DIAPH3: variants seen among roughly 807,000 people sequenced by gnomAD.
The protein encoded by DIAPH3 is diaphanous related formin 3.
A neutral mutation model predicts 144.3 loss-of-function variants in DIAPH3; 117 were observed. The observed-to-expected ratio is 0.81, with a 90% CI of 0.70 to 0.95. DIAPH3 has a LOEUF of 0.95. Among genes scored for constraint, DIAPH3 ranks in the 40% least tolerant of loss-of-function variants. The pLI, the probability that DIAPH3 is intolerant of heterozygous loss-of-function variation, is 0.00. For missense variants in DIAPH3, 1,421 were observed against 1,412.7 expected, an observed-to-expected ratio of 1.01 and a Z score of -0.09; for synonymous variants, 519 against 488.9, an observed-to-expected ratio of 1.06 and a Z score of -0.81.
intron 4 of DIAPH3, among the ~76,000 whole-genome samples, chr13:60,048,182 C>T (rs1215803171): frequency 6.6e-6 from 1 of 152,188 alleles, no homozygotes; most frequent in Non-Finnish European, 1.5e-5. Context: ...AACCTCGCCT[C>T]TCCAGGCTAC....
chr13:59,704,906 C>T (rs1044677513), intron 27 of DIAPH3, among the ~76,000 whole-genome samples: 1 of 152,156 alleles, frequency 6.6e-6, no homozygotes, highest in African/African-American at 2.4e-5. Flanking sequence ...CAGAATGTAA[C>T]TTCCAGGAGG....
intron 27 of DIAPH3, among the ~76,000 whole-genome samples, chr13:59,684,097 C>G (rs2033089214): frequency 6.6e-6 from 1 of 150,956 alleles, no homozygotes; most frequent in South Asian, 2.1e-4. Context: ...ATCTGTGAGA[C>G]TCTGACAACG....
chr13:59,747,898 G>C (rs2036785320), intron 27 of DIAPH3, among the ~76,000 whole-genome samples: 1 of 152,118 alleles, frequency 6.6e-6, no homozygotes, highest in Non-Finnish European at 1.5e-5. Flanking sequence ...CAATCAAGTG[G>C]ACTGATTCTA....
chr13:60,042,850 T>C, intron 4 of DIAPH3, 30 bp from the exon 5 acceptor site: 3 of 1,609,990 alleles, frequency 1.9e-6, no homozygotes, highest in Non-Finnish European at 2.5e-6. Context: ...ATGTTTTGAT[T>C]AATACTGCAT....
intron 24 of DIAPH3, among the ~76,000 whole-genome samples, chr13:59,811,247 T>C (rs1179127154): frequency 6.6e-6 from 1 of 152,146 alleles, no homozygotes; most frequent in African/African-American, 2.4e-5. Flanking sequence ...AACTGTTTTC[T>C]CATATACATT....
At chr13:60,153,847 CAAG>C (rs1415779042) in intron 1 of DIAPH3, among the ~76,000 whole-genome samples, 3 of 152,018 alleles carry the variant, frequency 2.0e-5, no homozygotes, top group Non-Finnish European at 4.4e-5. Context: ...TGGAGTATCA[CAAG>C]AATTTTTTTT....
intron 1 of DIAPH3, among the ~76,000 whole-genome samples, chr13:60,160,628 G>A (rs1952248541): frequency 6.6e-6 from 1 of 152,210 alleles, no homozygotes; most frequent in African/African-American, 2.4e-5. Flanking sequence ...CAGGTTCCAA[G>A]TTTAATTCCT....
chr13:59,909,397 C>T (rs1189709406), intron 20 of DIAPH3, among the ~76,000 whole-genome samples: 2 of 142,568 alleles, frequency 1.4e-5, no homozygotes, highest in African/African-American at 5.2e-5. Context: ...AAGCAGGTTT[C>T]CCACTTCTCT....
chr13:60,070,418 T>C (rs1047711108), intron 4 of DIAPH3, among the ~76,000 whole-genome samples: 2 of 152,138 alleles, frequency 1.3e-5, no homozygotes, highest in African/African-American at 4.8e-5. Context: ...CTGTGCTTAA[T>C]TTGACATAAA....
chr13:59,955,991 C>A (rs1336478084), intron 17 of DIAPH3, among the ~76,000 whole-genome samples: 1 of 152,108 alleles, frequency 6.6e-6, no homozygotes, highest in Non-Finnish European at 1.5e-5. Flanking sequence ...AGCAGCAAAG[C>A]ATTCAAGATG....
chr13:59,901,769 TACAA>T (rs2046447411), intron 20 of DIAPH3, among the ~76,000 whole-genome samples: 1 of 152,180 alleles, frequency 6.6e-6, no homozygotes, highest in African/African-American at 2.4e-5. Flanking sequence ...AGTCTACCAA[TACAA>T]ACTCAAAGTC....
intron 27 of DIAPH3, among the ~76,000 whole-genome samples, chr13:59,709,332 C>T (rs1369681220): frequency 5.3e-5 from 8 of 152,004 alleles, no homozygotes; most frequent in South Asian, 2.1e-4. Context: ...AGAAAATTTT[C>T]GCAACCTACT....
At chr13:60,037,813 C>T (rs1411058097) in intron 5 of DIAPH3, among the ~76,000 whole-genome samples, 8 of 151,886 alleles carry the variant, frequency 5.3e-5, no homozygotes, top group Non-Finnish European at 1.2e-4. Flanking sequence ...CAAAGATTAT[C>T]AGACGGGATA....
intron 25 of DIAPH3, among the ~76,000 whole-genome samples, chr13:59,803,397 A>G (rs73543209): frequency 1.6e-3 from 244 of 152,342 alleles, no homozygotes; most frequent in African/African-American, 5.6e-3. Context: ...TTCCCAGAGA[A>G]GTTAAACAAC....
intron 27 of DIAPH3, among the ~76,000 whole-genome samples, chr13:59,682,692 G>A (rs1366195627): frequency 6.6e-6 from 1 of 152,112 alleles, no homozygotes; most frequent in African/African-American, 2.4e-5. Context: ...TGTATAACAA[G>A]GAATACCCTA....
At chr13:59,879,497 T>C in intron 20 of DIAPH3, 29 bp from the exon 21 acceptor site, 1 of 1,612,960 alleles carries the variant, frequency 6.2e-7, no homozygotes, top group South Asian at 1.1e-5. Flanking sequence ...GCAGATTTCC[T>C]TTAAAATGCA....
intron 20 of DIAPH3, among the ~76,000 whole-genome samples, chr13:59,889,962 T>C (rs1290506129): frequency 1.3e-5 from 2 of 152,174 alleles, no homozygotes; most frequent in Non-Finnish European, 2.9e-5. Flanking sequence ...GGTGTGGCCC[T>C]ACTTCCTAAA....
intron 2 of DIAPH3, among the ~76,000 whole-genome samples, chr13:60,114,740 C>T (rs2058660485): frequency 6.6e-6 from 1 of 151,682 alleles, no homozygotes; most frequent in Non-Finnish European, 1.5e-5. Context: ...TAAAAATAAA[C>T]AGCAAACCAT....
chr13:60,001,347 C>T (rs905935337), intron 9 of DIAPH3, among the ~76,000 whole-genome samples: 2 of 152,204 alleles, frequency 1.3e-5, no homozygotes, highest in African/African-American at 2.4e-5. Context: ...ATCTTCCCTT[C>T]TCTCTGGATG....
Sources: allele counts gnomAD v4.1 joint callset (sites outside exome capture counted in the v4.1 genomes callset), GRCh38; gene constraint gnomAD v4.1.1; transcripts MANE v1.5; gene names NCBI Gene and HGNC (gene_info 2026-07-23, HGNC 2026-07-21).